The following RASGEF1C variants were observed in gnomAD, a reference collection of about 807,000 sequenced individuals.
RASGEF1C encodes the protein RasGEF domain family member 1C.
In RASGEF1C, 27 loss-of-function variants were observed where a neutral mutation model predicts 58.1. That is an observed-to-expected ratio of 0.46 (90% CI 0.34 to 0.64). RASGEF1C has a LOEUF of 0.64. Ranked by LOEUF, RASGEF1C falls within the 30% of genes least tolerant of loss-of-function variation. RASGEF1C has a pLI of 0.01. For missense variants in RASGEF1C, 502 were observed against 605.1 expected (o/e 0.83, Z 1.79); for synonymous variants, 243 against 246.3 (o/e 0.99, Z 0.13).
At chr5:180,142,768 G>A (rs564784307) in intron 1 of RASGEF1C, among the ~76,000 whole-genome samples, 3 of 152,218 alleles carry the variant, frequency 2.0e-5, no homozygotes, top group East Asian at 1.9e-4. Context: ...GAAATGAGTC[G>A]CTGCTGTGCC....
At chr5:180,186,101 GAAAAAAAA>G (rs35778456) in intron 1 of RASGEF1C, among the ~76,000 whole-genome samples, 1 of 81,174 alleles carries the variant, frequency 1.2e-5, no homozygotes, top group Non-Finnish European at 2.3e-5. Context: ...TATCTCCACA[GAAAAAAAA>G]AAAAAAAAAA....
In RASGEF1C at chr5:180,181,812, T is replaced by C. The variant is rs536235443; in HGVS notation, c.-7+27216A>G. Among the ~76,000 whole-genome samples the C allele has an allele frequency of 5.3e-5, 8 of 152,238 alleles. No homozygotes were observed. The South Asian group carries it at 1.7e-3, about 32-fold the overall frequency. On this transcript the variant is annotated intron_variant, in intron 1 of 13. Transcript: ENST00000361132. ...TACAAACACAAGGCTGAGTGGAGCA[T>C]GAACGCCACTGGCAGGATGTCTTCA...
intron 1 of RASGEF1C, among the ~76,000 whole-genome samples, chr5:180,166,199 T>G (rs1481250226): frequency 6.6e-6 from 1 of 152,192 alleles, no homozygotes; most frequent in African/African-American, 2.4e-5. Flanking sequence ...GGCATTAAGT[T>G]TCATCCTCCC....
chr5:180,125,921 A>G (rs1173055382), intron 6 of RASGEF1C, among the ~76,000 whole-genome samples: 1 of 152,220 alleles, frequency 6.6e-6, no homozygotes, highest in Non-Finnish European at 1.5e-5. Context: ...CGGACACCCT[A>G]CAGAAAGTGT....
At chr5:180,174,440 C>A (rs988800326) in intron 1 of RASGEF1C, among the ~76,000 whole-genome samples, 1 of 144,562 alleles carries the variant, frequency 6.9e-6, no homozygotes, top group Non-Finnish European at 1.5e-5. Flanking sequence ...ACGTGTGTGT[C>A]TGTGCATGTG....
At chr5:180,101,764 G>C (rs1765788092) in intron 13 of RASGEF1C, among the ~76,000 whole-genome samples, 1 of 152,204 alleles carries the variant, frequency 6.6e-6, no homozygotes, top group Admixed American at 6.5e-5. Context: ...GTGTCCCACT[G>C]TCTGGCATAC....
intron 1 of RASGEF1C, among the ~76,000 whole-genome samples, chr5:180,152,533 A>G (rs1281240609): frequency 2.3e-5 from 3 of 132,130 alleles, no homozygotes; most frequent in African/African-American, 5.8e-5. Context: ...TGGACACAGG[A>G]AGGGGAACAT....
chr5:180,136,730 C>T (rs1766485339), intron 3 of RASGEF1C: 2 of 574,318 alleles, frequency 3.5e-6, no homozygotes, highest in African/African-American at 1.9e-5. Flanking sequence ...CTTGCTCTGG[C>T]CTTTCTGCGG....
intron 10 of RASGEF1C, among the ~76,000 whole-genome samples, chr5:180,117,994 CAAAAAAAAA>C (rs3078957): frequency 9.2e-6 from 1 of 108,682 alleles, no homozygotes; most frequent in African/African-American, 3.6e-5. Flanking sequence ...ACTCCATCTC[CAAAAAAAAA>C]AAAAAAAAAA....
chr5:180,207,204 G>A (rs1451471126), intron 1 of RASGEF1C, among the ~76,000 whole-genome samples: 1 of 152,218 alleles, frequency 6.6e-6, no homozygotes, highest in Non-Finnish European at 1.5e-5. Context: ...CTTCGGTGTG[G>A]ATGCAGTCAT....
At chr5:180,150,212 A>G (rs940908327) in intron 1 of RASGEF1C, among the ~76,000 whole-genome samples, 4 of 152,054 alleles carry the variant, frequency 2.6e-5, no homozygotes, top group African/African-American at 9.7e-5. Context: ...TATAGCTCCA[A>G]AATTTATTTT....
rs770641974 is a variant in RASGEF1C, at chr5:180,197,938, T to C, written c.-7+11090A>G. Among the ~76,000 whole-genome samples, 4 of 152,210 alleles carry C rather than the reference T, an allele frequency of 2.6e-5. No individual in the cohort carries two copies. The highest frequency in any genetic ancestry group is 4.4e-5 in the Non-Finnish European group (3 of 68,038). On this transcript the variant is annotated intron_variant, in intron 1 of 13. Transcript: ENST00000361132. The surrounding 1 kb of genome is among the most constrained non-coding windows in gnomAD (Gnocchi z 4.7). ...CACGCTTAGCGACATCCAATGCACG[T>C]AAAGCAGAAATTCCCCAATTAGGAT...
intron 1 of RASGEF1C, among the ~76,000 whole-genome samples, chr5:180,195,643 T>TC (rs1464545342): frequency 1.3e-5 from 2 of 151,798 alleles, no homozygotes; most frequent in Non-Finnish European, 2.9e-5. Flanking sequence ...GCGCCTGTAG[T>TC]CCCAGCTACT....
chr5:180,201,168 G>A (rs1756389034), intron 1 of RASGEF1C, among the ~76,000 whole-genome samples: 1 of 152,150 alleles, frequency 6.6e-6, no homozygotes. Context: ...GTGGGTGTCA[G>A]AGCACTGGCG....
At chr5:180,107,276 G>A (rs1765887159) in intron 12 of RASGEF1C, among the ~76,000 whole-genome samples, 1 of 152,104 alleles carries the variant, frequency 6.6e-6, no homozygotes. Context: ...TTATTAGTAT[G>A]TTAGGACTTA....
At chr5:180,121,681 A>ACCC (rs1230111122) in intron 6 of RASGEF1C, among the ~76,000 whole-genome samples, 5 of 73,468 alleles carry the variant, frequency 6.8e-5, no homozygotes, top group African/African-American at 1.7e-4. Flanking sequence ...ACACACACAC[A>ACCC]CCCTCATTAT....
intron 5 of RASGEF1C, among the ~76,000 whole-genome samples, chr5:180,128,118 G>T (rs770189632): frequency 1.3e-5 from 2 of 152,220 alleles, no homozygotes; most frequent in Non-Finnish European, 2.9e-5. Context: ...GGCCTGCCTG[G>T]CCAGGTGATG....
chr5:180,161,952 C>G (rs1766951327), intron 1 of RASGEF1C, among the ~76,000 whole-genome samples: 1 of 152,256 alleles, frequency 6.6e-6, no homozygotes, highest in Admixed American at 6.5e-5. Flanking sequence ...ATGGCAGTGC[C>G]CCCAGGGCCT....
At position 180,102,104 on chromosome 5, in the gene RASGEF1C, T is replaced by C; in HGVS notation, c.1343A>G (p.Asn448Ser). The change falls in exon 13 of 14, where the codon AAC becomes AGC. Residue 448 changes from asparagine (N) to serine (S), a missense_variant. By Grantham distance (46) the Asn-to-Ser change is conservative. Coordinates refer to ENST00000361132, the MANE Select transcript of RASGEF1C (RefSeq NM_175062.4). ...LASYESESPE[N>S]QTEKERWKAL... is the part of the protein sequence containing the mutation. ...TTTCCATCTTTCTTTTTCTGTTTGG[T>C]TCTCTGGGCTCTCACTTTCGTAAGA... 1 of 1,605,604 alleles carries C rather than the reference T, an allele frequency of 6.2e-7. No individual in the cohort carries two copies. The highest frequency in any genetic ancestry group is 8.5e-7 in the Non-Finnish European group (1 of 1,172,210).
Sources: gnomAD v4.1 joint callset for allele counts (sites outside exome capture counted in the v4.1 genomes callset) on GRCh38, gnomAD v4.1.1 for gene constraint, Gnocchi (gnomAD v3.1) non-coding constraint, MANE v1.5 for transcripts, NCBI Gene and HGNC (gene_info 2026-07-23, HGNC 2026-07-21) for gene names.